The following THOC5 variants were observed in gnomAD, a reference collection of about 807,000 sequenced individuals.
The protein encoded by THOC5 is THO complex subunit 5.
THOC5 carries 43 observed loss-of-function variants against 92.9 expected under a neutral mutation model. That is an observed-to-expected ratio of 0.46 (90% CI 0.36 to 0.60). The LOEUF (loss-of-function observed/expected upper bound fraction) is 0.60, where lower values mean the gene tolerates loss of function less well. Ranked by LOEUF, THOC5 falls within the 20% of genes least tolerant of loss-of-function variation. THOC5 has a pLI of 0.00. For synonymous variants in THOC5, 296 were observed against 320.1 expected, an observed-to-expected ratio of 0.92 and a Z score of 0.80; for missense variants, 659 against 849.4, an observed-to-expected ratio of 0.78 and a Z score of 2.79.
chr22:29,538,800 GGAAAAAAA>G (rs2063815125), intron 6 of THOC5, among the ~76,000 whole-genome samples: 1 of 32,988 alleles, frequency 3.0e-5, no homozygotes. Flanking sequence ...CCATCTCTTT[GGAAAAAAA>G]AAAAAAAAAA....
At chr22:29,523,996 C>T (rs1053438352) in intron 12 of THOC5, among the ~76,000 whole-genome samples, 1 of 152,158 alleles carries the variant, frequency 6.6e-6, no homozygotes, top group African/African-American at 2.4e-5. Context: ...GGCTTTAGGT[C>T]CAGTGCTGCG....
intron 17 of THOC5, among the ~76,000 whole-genome samples, chr22:29,513,706 A>T (rs1283105491): frequency 6.6e-6 from 1 of 151,382 alleles, no homozygotes. Flanking sequence ...ATAAATAAAA[A>T]GTGCTTTCTG....
intron 1 of THOC5, among the ~76,000 whole-genome samples, chr22:29,552,963 A>C (rs1232550071): frequency 6.6e-6 from 1 of 152,154 alleles, no homozygotes; most frequent in African/African-American, 2.4e-5. Flanking sequence ...TCTCTGAAAC[A>C]TGTGCTGTGT....
Position 29,531,848 on chromosome 22 carries a change from G to A in THOC5, c.830C>T (p.Ala277Val), listed in dbSNP as rs139046318. ...ATACTCACCACAGGCCTGCCCATAC[G>A]CAGTGGCCTGAACAAAGAGGACATA... ...PLYVLFVQATAYGQACDKTLS... is the reference protein window; with the variant it reads ...PLYVLFVQATVYGQACDKTLS... Residue 277 changes from alanine (A) to valine (V), a missense_variant, in exon 8 of 20, where the codon GCG (alanine) becomes GTG (valine). Coordinates refer to ENST00000490103, the MANE Select transcript of THOC5 (RefSeq NM_003678.5). 3.1e-6 allele frequency: 5 copies of A among 1,613,988 alleles called. No individual in the cohort carries two copies. The highest frequency in any genetic ancestry group is 4.2e-6 in the Non-Finnish European group (5 of 1,180,000).
intron 3 of THOC5, 23 bp downstream of exon 3, chr22:29,544,437 G>C (rs372418181): frequency 1.4e-5 from 23 of 1,606,746 alleles, no homozygotes; most frequent in Non-Finnish European, 1.7e-5. Context: ...CCAGGTTCAC[G>C]GCCACCTGGT....
intron 2 of THOC5, 97 bp from the exon 3 acceptor site, chr22:29,544,700 A>C (rs2063978063): frequency 1.6e-6 from 2 of 1,265,076 alleles, no homozygotes; most frequent in East Asian, 5.1e-5. Context: ...AGATAAAAAC[A>C]GTAACAATGA....
chr22:29,531,911 T>C lies in THOC5; in HGVS notation c.767A>G (p.Lys256Arg). 1 of 1,614,154 alleles carries C rather than the reference T, an allele frequency of 6.2e-7. No homozygotes were observed. The highest frequency in any genetic ancestry group is 1.3e-5 in the African/African-American group (1 of 75,058). Residue 256 changes from lysine to arginine, a missense_variant, in exon 8 of 20, where the codon AAG becomes AGG. Coordinates refer to ENST00000490103, the MANE Select transcript of THOC5 (RefSeq NM_003678.5). ...CAGGTGTCTGGCTGTCTCATACTGC[T>C]TGTGAGCCTGGTCGAATGGCATAAA... ...YLFMPFDQAH[K>R]QYETARHLPP...
chr22:29,515,172 G>C (rs2063310362), intron 17 of THOC5, among the ~76,000 whole-genome samples: 1 of 151,882 alleles, frequency 6.6e-6, no homozygotes, highest in Non-Finnish European at 1.5e-5. Context: ...CTCCTGAGTA[G>C]CTGGGACTAC....
chr22:29,543,372 A>AAT, intron 4 of THOC5, 57 bp downstream of exon 4: 1 of 1,047,200 alleles, frequency 9.5e-7, no homozygotes, highest in Non-Finnish European at 1.4e-6. Context: ...AAAAAAAAAA[A>AAT]GAAGGGGATG....
chr22:29,528,384 A>C, intron 10 of THOC5, 42 bp downstream of exon 10: 1 of 1,614,092 alleles, frequency 6.2e-7, no homozygotes, highest in South Asian at 1.1e-5. Flanking sequence ...GCCCCAGTGC[A>C]TGCAGCTGCT....
intron 17 of THOC5, among the ~76,000 whole-genome samples, chr22:29,513,055 T>G (rs1160631739): frequency 6.6e-6 from 1 of 152,056 alleles, no homozygotes; most frequent in African/African-American, 2.4e-5. Context: ...GTCAGAACAT[T>G]AATTAAAAAG....
At chr22:29,536,574 G>A in intron 7 of THOC5, 50 bp downstream of exon 7, 1 of 1,109,314 alleles carries the variant, frequency 9.0e-7, no homozygotes, top group Non-Finnish European at 1.4e-6. Flanking sequence ...ATGACTTCTG[G>A]CAGCGCCTGG....
intron 6 of THOC5, among the ~76,000 whole-genome samples, chr22:29,538,963 T>C (rs2063820622): frequency 6.6e-6 from 1 of 150,874 alleles, no homozygotes; most frequent in African/African-American, 2.4e-5. Context: ...ATACAAATAA[T>C]AGATGGGCGT....
intron 11 of THOC5, among the ~76,000 whole-genome samples, chr22:29,526,872 C>A (rs1197661063): frequency 6.6e-6 from 1 of 152,150 alleles, no homozygotes; most frequent in Non-Finnish European, 1.5e-5. Flanking sequence ...CTGCCTAGAG[C>A]AGACTAAGGA....
intron 17 of THOC5, among the ~76,000 whole-genome samples, chr22:29,514,437 C>T (rs1489821513): frequency 6.6e-6 from 1 of 151,252 alleles, no homozygotes; most frequent in Non-Finnish European, 1.5e-5. Context: ...CTGCCTCACC[C>T]TCCCGAGTAG....
intron 17 of THOC5, among the ~76,000 whole-genome samples, chr22:29,515,680 A>AC (rs1391511485): frequency 4.0e-5 from 6 of 151,522 alleles, no homozygotes; most frequent in Non-Finnish European, 8.8e-5. Context: ...AAAAAAAAAA[A>AC]ATTAGCCAAG....
At chr22:29,520,610 C>T (rs1196407414) in intron 13 of THOC5, among the ~76,000 whole-genome samples, 2 of 152,172 alleles carry the variant, frequency 1.3e-5, no homozygotes, top group African/African-American at 2.4e-5. Context: ...ATTCTCCCAC[C>T]TCAACCTCCC....
At chr22:29,538,869 G>A (rs2063818273) in intron 6 of THOC5, among the ~76,000 whole-genome samples, 1 of 149,130 alleles carries the variant, frequency 6.7e-6, no homozygotes, top group Middle Eastern at 3.5e-3. Context: ...CCAGCACTTT[G>A]GGAAGCCAAG....
At chr22:29,537,909 A>G (rs982733480) in intron 6 of THOC5, among the ~76,000 whole-genome samples, 5 of 152,194 alleles carry the variant, frequency 3.3e-5, no homozygotes, top group Non-Finnish European at 5.9e-5. Flanking sequence ...TAAATAAATA[A>G]ATAGATAAAT....
Sources: gnomAD v4.1 joint callset for allele counts (sites outside exome capture counted in the v4.1 genomes callset) on GRCh38, gnomAD v4.1.1 for gene constraint, MANE v1.5 for transcripts, NCBI Gene and HGNC (gene_info 2026-07-23, HGNC 2026-07-21) for gene names.